The following PCDHGB3 variants were observed in gnomAD, a reference collection of about 807,000 sequenced individuals.
The protein encoded by PCDHGB3 is protocadherin gamma-B3.
PCDHGB3 carries 40 observed loss-of-function variants against 59.2 expected under a neutral mutation model. That is an observed-to-expected ratio of 0.68 (90% CI 0.52 to 0.88). PCDHGB3 has a LOEUF of 0.88. PCDHGB3 is among the 40% of genes least tolerant of loss of function. PCDHGB3 has a pLI of 0.00. For missense variants in PCDHGB3, 1,309 were observed against 1,187.9 expected (o/e 1.10, Z -1.50); for synonymous variants, 581 against 503.6 (o/e 1.15, Z -2.06).
chr5:141,469,155 A>C (rs1342352040), intron 1 of PCDHGB3, among the ~76,000 whole-genome samples: 3 of 152,108 alleles, frequency 2.0e-5, no homozygotes, highest in Admixed American at 1.3e-4. Context: ...ACATGTCTGT[A>C]GTCCCAGCTA....
chr5:141,404,725 G>A (rs1381392805), intron 1 of PCDHGB3: 1 of 1,613,980 alleles, frequency 6.2e-7, no homozygotes, highest in Non-Finnish European at 8.5e-7. Context: ...TGACCAAGGT[G>A]GTGGCAGTGG....
intron 1 of PCDHGB3, chr5:141,478,585 T>A (rs1474599564): frequency 1.3e-5 from 20 of 1,576,728 alleles, no homozygotes; most frequent in Non-Finnish European, 1.7e-5. Flanking sequence ...TGTTAGTGCT[T>A]TTTTATTCCT....
chr5:141,488,196 TA>T, intron 1 of PCDHGB3, among the ~76,000 whole-genome samples: 1 of 152,186 alleles, frequency 6.6e-6, no homozygotes, highest in Non-Finnish European at 1.5e-5. Context: ...GTCTGGGTCT[TA>T]GGACTCATAT....
intron 1 of PCDHGB3, among the ~76,000 whole-genome samples, chr5:141,492,356 G>A (rs2099739649): frequency 6.6e-6 from 1 of 152,198 alleles, no homozygotes; most frequent in Non-Finnish European, 1.5e-5. Context: ...ACTGCCACTC[G>A]CTCGCGGCCA....
At chr5:141,474,447 G>A (rs1263877262) in intron 1 of PCDHGB3, among the ~76,000 whole-genome samples, 1 of 152,218 alleles carries the variant, frequency 6.6e-6, no homozygotes, top group Non-Finnish European at 1.5e-5. Flanking sequence ...AGTAGCAAGT[G>A]ATTGGGCTAT....
At chr5:141,454,320 C>G (rs140074578) in intron 1 of PCDHGB3, among the ~76,000 whole-genome samples, 4 of 152,148 alleles carry the variant, frequency 2.6e-5, no homozygotes, top group Admixed American at 2.6e-4. Context: ...ATTGAAACCT[C>G]CAAGAATAAA....
rs1334123861 is a variant in PCDHGB3, at chr5:141,414,743, C to G, written c.2415+41934C>G. On this transcript the variant is annotated intron_variant, in intron 1 of 3. Coordinates refer to ENST00000576222, the MANE Select transcript of PCDHGB3 (RefSeq NM_018924.5). ...ACTGGCGTCCTGTATGCACTCAGAT[C>G]CTTCGACTATGAGCAGTTTCATGAG... 1.9e-6 allele frequency: 3 copies of G among 1,614,216 alleles called. No homozygotes were observed. In the East Asian group the frequency reaches 6.7e-5, roughly 36 times the overall value.
In PCDHGB3 at chr5:141,371,907, G is replaced by T. The variant is rs776309698; in HGVS notation, c.1513G>T (p.Val505Leu). 9.3e-6 allele frequency: 15 copies of T among 1,613,262 alleles called. No individual in the cohort carries two copies. The highest frequency in any genetic ancestry group is 1.2e-5 in the Non-Finnish European group (14 of 1,179,916). Residue 505 changes from valine (V) to leucine (L), a missense_variant, in exon 1 of 4, where the codon GTG becomes TTG. Coordinates refer to ENST00000576222, the MANE Select transcript of PCDHGB3 (RefSeq NM_018924.5). ...DLEPRELSSY[V>L]SVSARSGVVF... is the part of the protein sequence containing the mutation. ...GGAGCCGCGGGAGCTGTCGTCCTAC[G>T]TGTCCGTGAGCGCGCGGAGCGGGGT... is the stretch of plus-strand genomic sequence containing the variant.
At chr5:141,385,137 G>A in intron 1 of PCDHGB3, 1 of 1,614,232 alleles carries the variant, frequency 6.2e-7, no homozygotes, top group Non-Finnish European at 8.5e-7. Context: ...TGGACGGGGT[G>A]CAGGCTTTCC....
At chr5:141,504,817 G>T in intron 2 of PCDHGB3, among the ~76,000 whole-genome samples, 1 of 151,940 alleles carries the variant, frequency 6.6e-6, no homozygotes, top group East Asian at 1.9e-4. Flanking sequence ...TACCTCCTAG[G>T]TCCCCACTTT....
rs1218837884 is a variant in PCDHGB3 at position 141,403,668 on chromosome 5, C to A, written c.2415+30859C>A. On this transcript the variant is annotated intron_variant, in intron 1 of 3. Coordinates refer to ENST00000576222, the MANE Select transcript of PCDHGB3 (RefSeq NM_018924.5). ...ACAGTGTTGGATACAAATGATAATG[C>A]CCCGGTTTTTGCTCAACGGATTTAC... 1.9e-6 allele frequency: 3 copies of A among 1,613,772 alleles called. No individual in the cohort carries two copies. In the African/African-American group the frequency reaches 4.0e-5, roughly 22 times the overall value.
At chr5:141,436,632 G>T (rs763510513) in intron 1 of PCDHGB3, among the ~76,000 whole-genome samples, 2 of 152,130 alleles carry the variant, frequency 1.3e-5, no homozygotes, top group Non-Finnish European at 2.9e-5. Context: ...TTCACAACAT[G>T]CAATTAATTA....
chr5:141,460,834 A>G (rs757757290), intron 1 of PCDHGB3, among the ~76,000 whole-genome samples: 11 of 151,874 alleles, frequency 7.2e-5, no homozygotes, highest in Non-Finnish European at 1.3e-4. Context: ...CACTTAAAGT[A>G]ATGGCCTCCA....
chr5:141,377,025 A>T (rs1378221523), intron 1 of PCDHGB3: 1 of 154,760 alleles, frequency 6.5e-6, no homozygotes, highest in Non-Finnish European at 1.4e-5. Context: ...AAAATTCAAG[A>T]TTGTCTTTGA....
At chr5:141,403,276 C>T (rs1331205396) in intron 1 of PCDHGB3, 3 of 1,613,844 alleles carry the variant, frequency 1.9e-6, no homozygotes, top group Non-Finnish European at 2.5e-6. Context: ...ACTTTAAAGT[C>T]CTGGTTGAAG....
chr5:141,374,724 C>A (rs1384151075), intron 1 of PCDHGB3: 1 of 1,610,030 alleles, frequency 6.2e-7, no homozygotes, highest in African/African-American at 1.3e-5. Context: ...GTCCTTACTG[C>A]CATGGATGGC....
chr5:141,380,206 G>C (rs750518608), intron 1 of PCDHGB3, among the ~76,000 whole-genome samples: 1 of 152,114 alleles, frequency 6.6e-6, no homozygotes, highest in South Asian at 2.1e-4. Flanking sequence ...GGCCTGAAAG[G>C]CATTCATTTC....
chr5:141,507,365 C>G (rs1279257057), intron 3 of PCDHGB3: 1 of 152,092 alleles, frequency 6.6e-6, no homozygotes, highest in African/African-American at 2.4e-5. Context: ...ACTGGGAGCC[C>G]TGTACTTTTA....
Position 141,510,956 on chromosome 5 carries a change from A to T in PCDHGB3, c.2573A>T (p.Asp858Val). 1 of 1,614,104 alleles carries T rather than the reference A, an allele frequency of 6.2e-7. No homozygotes were observed. The highest frequency in any genetic ancestry group is 8.5e-7 in the Non-Finnish European group (1 of 1,179,996). The change falls in exon 4 of 4, where the codon GAT becomes GTT. Residue 858 changes from aspartate to valine, a missense_variant. Asp to Val is a radical substitution (Grantham distance 152). Transcript: ENST00000576222. ...MILASASEAA[D>V]GSSTLGGGAG... ...TCCTCTGTCTCTGCAGAAGCTGCTG[A>T]TGGGAGCTCCACCCTGGGAGGGGGT...
Sources: gnomAD v4.1 joint callset for allele counts (sites outside exome capture counted in the v4.1 genomes callset) on GRCh38, gnomAD v4.1.1 for gene constraint, MANE v1.5 for transcripts, NCBI Gene and HGNC (gene_info 2026-07-23, HGNC 2026-07-21) for gene names.